IFT80: variants seen among roughly 807,000 people sequenced by gnomAD.
IFT80 encodes intraflagellar transport 80, also known as intraflagellar transport protein 80 homolog.
Under a neutral mutation model 107.9 loss-of-function variants are expected in IFT80, and 79 were observed. That is an observed-to-expected ratio of 0.73 (90% confidence interval 0.61 to 0.88). The LOEUF (loss-of-function observed/expected upper bound fraction) is 0.88. IFT80 is among the 40% of genes least tolerant of loss of function. IFT80 has a pLI of 0.00. For missense variants in IFT80, 797 were observed against 914.2 expected (o/e 0.87, Z 1.65); for synonymous variants, 299 against 300.9 (o/e 0.99, Z 0.07).
At chr3:160,364,482 C>T (rs1040957251) in intron 6 of IFT80, among the ~76,000 whole-genome samples, 31 of 152,166 alleles carry the variant, frequency 2.0e-4, no homozygotes, top group Non-Finnish European at 2.9e-4. Flanking sequence ...TACCATTTGA[C>T]CCAGCCATCC....
chr3:160,344,960 G>A (rs1720180547), intron 8 of IFT80, among the ~76,000 whole-genome samples: 1 of 152,128 alleles, frequency 6.6e-6, no homozygotes, highest in Non-Finnish European at 1.5e-5. Flanking sequence ...GTGAGGATGT[G>A]GAGGGAAGGG....
chr3:160,332,828 T>C (rs181110727), intron 8 of IFT80, among the ~76,000 whole-genome samples: 1 of 152,334 alleles, frequency 6.6e-6, no homozygotes, highest in East Asian at 1.9e-4. Flanking sequence ...GAAAAAGAAG[T>C]ATCTTCTCAT....
chr3:160,283,439 A>G (rs1290607295), intron 13 of IFT80, among the ~76,000 whole-genome samples: 1 of 152,232 alleles, frequency 6.6e-6, no homozygotes, highest in Admixed American at 6.5e-5. Context: ...ACACTTTTTA[A>G]AGTAAAACAA....
chr3:160,290,670 T>A (rs899972000), intron 12 of IFT80, among the ~76,000 whole-genome samples: 4 of 152,146 alleles, frequency 2.6e-5, no homozygotes, highest in African/African-American at 9.7e-5. Context: ...GAACTCTGCC[T>A]CCTGGGTTCA....
intron 9 of IFT80, among the ~76,000 whole-genome samples, chr3:160,314,384 CT>C (rs1315979807): frequency 1.3e-5 from 2 of 152,148 alleles, no homozygotes; most frequent in East Asian, 3.9e-4. Context: ...TCAAGGATCT[CT>C]TTTGGAAAGA....
intron 6 of IFT80, among the ~76,000 whole-genome samples, chr3:160,359,634 G>T (rs976779385): frequency 1.3e-5 from 2 of 152,186 alleles, no homozygotes; most frequent in South Asian, 4.1e-4. Flanking sequence ...AGCTTCCAGA[G>T]GAAGGATCAG....
intron 11 of IFT80, among the ~76,000 whole-genome samples, chr3:160,302,073 T>C (rs1716471035): frequency 6.6e-6 from 1 of 152,092 alleles, no homozygotes; most frequent in South Asian, 2.1e-4. Flanking sequence ...TGTATTGATT[T>C]ACACACATAC....
In IFT80 at chr3:160,282,487, T is replaced by C. The variant is rs199919988; in HGVS notation, c.1507A>G (p.Ile503Val). 1.9e-6 allele frequency: 3 copies of C among 1,585,032 alleles called. No homozygotes were observed. Among genetic ancestry groups the C allele is most frequent in the East Asian group, 4.5e-5 (2 of 44,548 alleles). The change falls in exon 14 of 20, where the codon ATC becomes GTC. Residue 503 changes from isoleucine to valine, a missense_variant. Ile to Val is a conservative substitution (Grantham distance 29). Coordinates refer to ENST00000326448, the MANE Select transcript of IFT80 (RefSeq NM_020800.3). The stretch of plus-strand genomic sequence containing the variant: ...ATTAAAATTATTTTACCAAGCTTGA[T>C]AATTTGTTCTTCCTTCCCAAATCGT... Reference protein sequence around the residue: ...VKRFGKEEQIIKLGTMVHTLA... With the variant: ...VKRFGKEEQIVKLGTMVHTLA...
chr3:160,382,836 C>T (rs1712629610), intron 2 of IFT80, among the ~76,000 whole-genome samples: 3 of 151,952 alleles, frequency 2.0e-5, no homozygotes, highest in East Asian at 1.9e-4. Flanking sequence ...CTTCAAAATA[C>T]AATAGATTAA....
At chr3:160,394,813 T>G (rs1375354774) in intron 1 of IFT80, among the ~76,000 whole-genome samples, 1 of 152,122 alleles carries the variant, frequency 6.6e-6, no homozygotes, top group Non-Finnish European at 1.5e-5. Context: ...TATAGAAAGA[T>G]GTCTATGTTA....
In IFT80 at chr3:160,375,951, A is replaced by G; in HGVS notation, c.371-71T>C. ...ATAAATTTAAACATTAAATTTGCAT[A>G]TAAGAATCAACAGTATCTACCGCAT... On this transcript the variant is annotated intron_variant, in intron 4 of 19. Coordinates refer to ENST00000326448, the MANE Select transcript of IFT80 (RefSeq NM_020800.3). 5.0e-6 allele frequency: 5 copies of G among 998,110 alleles called. No homozygotes were observed. The Admixed American group carries it at 7.6e-5, about 15-fold the overall frequency. 61.8% of individuals were successfully genotyped at this position (998,110 alleles called of 1,614,324 possible). A position where few individuals can be genotyped will look rare whatever the true frequency, so the allele number is the denominator to read the frequency against.
At chr3:160,374,964 T>G (rs752002516) in intron 5 of IFT80, among the ~76,000 whole-genome samples, 17 of 152,298 alleles carry the variant, frequency 1.1e-4, no homozygotes, top group Middle Eastern at 3.4e-3. Context: ...TTGCTAACAT[T>G]CAGTTAATAT....
At chr3:160,332,535 A>G (rs189396917) in intron 8 of IFT80, among the ~76,000 whole-genome samples, 4 of 152,304 alleles carry the variant, frequency 2.6e-5, no homozygotes, top group African/African-American at 4.8e-5. Context: ...AGTTTGGGAT[A>G]TGGGGCCTTA....
At chr3:160,262,059 T>A (rs947542072) in intron 19 of IFT80, among the ~76,000 whole-genome samples, 1 of 152,138 alleles carries the variant, frequency 6.6e-6, no homozygotes, top group African/African-American at 2.4e-5. Flanking sequence ...CTAGACAATG[T>A]TGGAGAAGAA....
At chr3:160,367,699 A>G (rs1221553368) in intron 5 of IFT80, among the ~76,000 whole-genome samples, 2 of 152,104 alleles carry the variant, frequency 1.3e-5, no homozygotes, top group Non-Finnish European at 2.9e-5. Flanking sequence ...TACACTTGAT[A>G]GTGTTTTCAA....
chr3:160,397,984 A>C (rs1713961958), intron 1 of IFT80, among the ~76,000 whole-genome samples: 1 of 151,812 alleles, frequency 6.6e-6, no homozygotes, highest in South Asian at 2.1e-4. Context: ...TACCTCCCCA[A>C]CTCAGGTTTT....
intron 1 of IFT80, among the ~76,000 whole-genome samples, chr3:160,386,328 T>C (rs1164271915): frequency 1.3e-5 from 2 of 152,158 alleles, no homozygotes; most frequent in African/African-American, 4.8e-5. Context: ...ACATAGCCAA[T>C]TTGGGGAAGT....
At chr3:160,258,951 T>TA (rs1385770344) in intron 19 of IFT80, among the ~76,000 whole-genome samples, 1 of 151,114 alleles carries the variant, frequency 6.6e-6, no homozygotes, top group Admixed American at 6.6e-5. Context: ...ATACAAAAAA[T>TA]AAAAAAAGTA....
chr3:160,365,002 TA>T (rs140553498), intron 6 of IFT80, among the ~76,000 whole-genome samples: 10 of 141,556 alleles, frequency 7.1e-5, no homozygotes, highest in South Asian at 2.2e-4. Context: ...AAAGTATAAT[TA>T]AAAAAAAAAG....
Sources: allele counts gnomAD v4.1 joint callset (sites outside exome capture counted in the v4.1 genomes callset), GRCh38; gene constraint gnomAD v4.1.1; transcripts MANE v1.5; gene names NCBI Gene and HGNC (gene_info 2026-07-23, HGNC 2026-07-21).